The following NRG2 variants were observed in gnomAD, a reference collection of about 807,000 sequenced individuals.
NRG2 encodes the protein pro-neuregulin-2, membrane-bound isoform.
A neutral mutation model predicts 73.9 loss-of-function variants in NRG2; 27 were observed. That is an observed-to-expected ratio of 0.37 (90% CI 0.27 to 0.50). The LOEUF is 0.50. NRG2 is among the 20% of genes least tolerant of loss of function. The pLI is 0.96. For synonymous variants in NRG2, 532 were observed against 541.0 expected, an observed-to-expected ratio of 0.98 and a Z score of 0.23; for missense variants, 1,126 against 1,210.1, an observed-to-expected ratio of 0.93 and a Z score of 1.03.
intron 1 of NRG2, among the ~76,000 whole-genome samples, chr5:140,022,390 T>G (rs1447081021): frequency 6.6e-6 from 1 of 152,238 alleles, no homozygotes; most frequent in Admixed American, 6.5e-5. Flanking sequence ...AGTACATGAT[T>G]TAGTACCCTT....
At chr5:139,966,617 T>A (rs542942939) in intron 1 of NRG2, among the ~76,000 whole-genome samples, 15 of 151,996 alleles carry the variant, frequency 9.9e-5, no homozygotes, top group African/African-American at 3.6e-4. Flanking sequence ...CAAAAAGAGG[T>A]TAGTATATGC....
At chr5:139,936,438 A>G (rs1752858184) in intron 1 of NRG2, among the ~76,000 whole-genome samples, 1 of 152,212 alleles carries the variant, frequency 6.6e-6, no homozygotes, top group East Asian at 1.9e-4. Flanking sequence ...GAAAGGAACT[A>G]CTAATACTCA....
intron 1 of NRG2, among the ~76,000 whole-genome samples, chr5:139,951,385 G>T (rs572468288): frequency 1.3e-5 from 2 of 152,268 alleles, no homozygotes; most frequent in South Asian, 2.1e-4. Flanking sequence ...TCAAATGCTG[G>T]TGCTGTCATG....
At chr5:139,921,263 T>C (rs1751638781) in intron 1 of NRG2, among the ~76,000 whole-genome samples, 1 of 152,206 alleles carries the variant, frequency 6.6e-6, no homozygotes, top group East Asian at 1.9e-4. Flanking sequence ...CTAAAGTTTA[T>C]GTGGAGTAGC....
chr5:139,984,090 T>C (rs1281085446), intron 1 of NRG2, among the ~76,000 whole-genome samples: 2 of 152,142 alleles, frequency 1.3e-5, no homozygotes, highest in Non-Finnish European at 2.9e-5. Flanking sequence ...ATTTTATATA[T>C]ATTAAAATAT....
chr5:140,024,876 C>T (rs1363854271), intron 1 of NRG2, among the ~76,000 whole-genome samples: 2 of 152,162 alleles, frequency 1.3e-5, no homozygotes, highest in Non-Finnish European at 2.9e-5. Context: ...CTAAGAAAAA[C>T]TCTAAACCCA....
chr5:140,034,998 G>C (rs1761401851), intron 1 of NRG2, among the ~76,000 whole-genome samples: 1 of 152,210 alleles, frequency 6.6e-6, no homozygotes, highest in African/African-American at 2.4e-5. Context: ...AAAGTGGGAA[G>C]ATCACTTGAG....
intron 1 of NRG2, among the ~76,000 whole-genome samples, chr5:139,990,018 G>T (rs1052099892): frequency 3.3e-5 from 5 of 151,364 alleles, no homozygotes; most frequent in Non-Finnish European, 7.4e-5. Context: ...TTGATCTCCT[G>T]ACCTTGTGAT....
intron 1 of NRG2, among the ~76,000 whole-genome samples, chr5:140,019,186 G>A (rs1254774476): frequency 5.3e-5 from 8 of 152,198 alleles, no homozygotes; most frequent in Admixed American, 5.2e-4. Flanking sequence ...TAGAAACCCG[G>A]TTATTTCTAG....
At chr5:139,959,236 G>A (rs1754878865) in intron 1 of NRG2, among the ~76,000 whole-genome samples, 1 of 152,198 alleles carries the variant, frequency 6.6e-6, no homozygotes, top group Non-Finnish European at 1.5e-5. Flanking sequence ...GTCTTGCTCT[G>A]TCGCCCAGGC....
chr5:140,015,538 GA>G (rs1561753961), intron 1 of NRG2, among the ~76,000 whole-genome samples: 4 of 152,138 alleles, frequency 2.6e-5, no homozygotes. Context: ...TTAATTAAAA[GA>G]AAAAAACCTG....
intron 6 of NRG2, among the ~76,000 whole-genome samples, chr5:139,854,995 G>A (rs912857659): frequency 1.3e-5 from 2 of 152,116 alleles, no homozygotes; most frequent in African/African-American, 2.4e-5. Flanking sequence ...CCCATGCTCC[G>A]GGAGTACAGT....
rs1004927944 is a variant in NRG2 at position 139,852,463 on chromosome 5, A to G, written c.1513T>C (p.Cys505Arg). 1.2e-6 allele frequency: 2 copies of G among 1,613,968 alleles called. No homozygotes were observed. The highest frequency in any genetic ancestry group is 1.7e-6 in the Non-Finnish European group (2 of 1,179,954). The change falls in exon 8 of 10, where the codon TGC becomes CGC. Residue 505 changes from cysteine (C) to arginine (R), a missense_variant. Cys to Arg is a radical substitution (Grantham distance 180). Around this residue, in one of 3 missense-constraint regions of NRG2, gnomAD observed 539 missense variants for 703.2 expected, o/e 0.77. Transcript: ENST00000361474. The surrounding 1 kb of genome is among the most constrained non-coding windows in gnomAD (Gnocchi z 4.4). ...CTGGAGGTGGGTGTGGCTGTGGAGC[A>G]GTGGTGAGAAGGAGAACAGGAGTGG... ...GSHSCSPSHH[C>R]STATPTSSHR... is the part of the protein sequence containing the mutation.
chr5:139,881,320 CT>C (rs1200699380), intron 2 of NRG2, among the ~76,000 whole-genome samples: 1 of 152,220 alleles, frequency 6.6e-6, no homozygotes, highest in Non-Finnish European at 1.5e-5. Flanking sequence ...GGCCACCTCC[CT>C]CATTCCCAGC....
intron 1 of NRG2, among the ~76,000 whole-genome samples, chr5:139,930,600 C>T (rs1309548741): frequency 6.6e-6 from 1 of 152,198 alleles, no homozygotes. Context: ...CTGCTTCTGA[C>T]AATAAAGTGC....
intron 1 of NRG2, among the ~76,000 whole-genome samples, chr5:140,000,858 C>T (rs886978194): frequency 6.6e-6 from 1 of 152,230 alleles, no homozygotes; most frequent in African/African-American, 2.4e-5. Flanking sequence ...CTGTCAACGT[C>T]AGATGTGATG....
chr5:139,975,780 A>G (rs1192151935), intron 1 of NRG2, among the ~76,000 whole-genome samples: 2 of 152,220 alleles, frequency 1.3e-5, no homozygotes, highest in African/African-American at 4.8e-5. Context: ...GCCTCAGTCC[A>G]CCAGAAGAAA....
At position 139,952,376 on chromosome 5, in the gene NRG2, C is replaced by T. The variant is rs76856020; in HGVS notation, c.701-64865G>A. On this transcript the variant is annotated intron_variant, in intron 1 of 9. Transcript: ENST00000361474. ...GGAAGAGGAAAAGAGGAAAATGAGGCAAGGGTGGGAAACAGGTGGGTGGGC... is the reference window on the plus strand; with the variant it reads ...GGAAGAGGAAAAGAGGAAAATGAGGTAAGGGTGGGAAACAGGTGGGTGGGC... Among the ~76,000 whole-genome samples, 520 of 152,106 alleles carry T rather than the reference C, an allele frequency of 3.4e-3. 4 individuals carry two copies. The highest frequency in any genetic ancestry group is 0.012 in the African/African-American group (489 of 41,504).
intron 1 of NRG2, among the ~76,000 whole-genome samples, chr5:140,001,285 G>A (rs1375342490): frequency 3.9e-5 from 6 of 152,054 alleles, no homozygotes; most frequent in South Asian, 2.1e-4. Flanking sequence ...TACCTACCAC[G>A]GTGCCCCATA....
Sources: gnomAD v4.1 joint callset for allele counts (sites outside exome capture counted in the v4.1 genomes callset) on GRCh38, gnomAD v4.1.1 for gene constraint, gnomAD v4.1.1 regional missense constraint, Gnocchi (gnomAD v3.1) non-coding constraint, MANE v1.5 for transcripts, NCBI Gene and HGNC (gene_info 2026-07-23, HGNC 2026-07-21) for gene names.